The following PLD5 variants were observed in gnomAD, a reference collection of about 807,000 sequenced individuals.
PLD5 encodes the protein phospholipase D family member 5.
PLD5 carries 36 observed loss-of-function variants against 61.1 expected under a neutral mutation model. The ratio of observed to expected loss-of-function variants is 0.59; its 90% CI spans 0.45 to 0.78. The LOEUF (loss-of-function observed/expected upper bound fraction) is 0.78. Among genes scored for constraint, PLD5 ranks in the 30% least tolerant of loss-of-function variants. The probability of loss-of-function intolerance (pLI) is 0.00; values close to 1 mark genes in which losing one functional copy is unlikely to be tolerated. For missense variants in PLD5, 515 were observed against 644.4 expected (o/e 0.80, Z 2.17); for synonymous variants, 243 against 242.8 (o/e 1.00, Z -0.01).
At chr1:242,291,898 C>G (rs1439449036) in intron 2 of PLD5, among the ~76,000 whole-genome samples, 1 of 151,896 alleles carries the variant, frequency 6.6e-6, no homozygotes, top group Non-Finnish European at 1.5e-5. Flanking sequence ...AAGAAAAGAC[C>G]ATGAGAAAAC....
chr1:242,197,764 A>G (rs537429859), intron 5 of PLD5, among the ~76,000 whole-genome samples: 6 of 151,474 alleles, frequency 4.0e-5, no homozygotes, highest in South Asian at 4.2e-4. Flanking sequence ...CCTCCCAAGT[A>G]TCTGGGATTA....
At chr1:242,514,269 G>T (rs925757916) in intron 1 of PLD5, among the ~76,000 whole-genome samples, 4 of 152,118 alleles carry the variant, frequency 2.6e-5, no homozygotes, top group Non-Finnish European at 4.4e-5. Context: ...AACAGTTTTT[G>T]GCTGTCCAGA....
At chr1:242,438,914 A>G (rs901729437) in intron 1 of PLD5, among the ~76,000 whole-genome samples, 6 of 152,032 alleles carry the variant, frequency 3.9e-5, no homozygotes, top group Non-Finnish European at 8.8e-5. Context: ...TTCAAAGCCT[A>G]GTTCACAGCC....
chr1:242,133,041 C>T (rs1029465636), intron 5 of PLD5, among the ~76,000 whole-genome samples: 36 of 151,384 alleles, frequency 2.4e-4, no homozygotes, highest in African/African-American at 8.0e-4. Flanking sequence ...CCCCGCACAC[C>T]GCCCACACCC....
chr1:242,405,487 C>T (rs1664184794), intron 1 of PLD5, among the ~76,000 whole-genome samples: 1 of 152,206 alleles, frequency 6.6e-6, no homozygotes, highest in Admixed American at 6.5e-5. Context: ...GGCTCTTCCA[C>T]ATCTGGTCCT....
At chr1:242,397,653 T>C (rs1431856071) in intron 1 of PLD5, among the ~76,000 whole-genome samples, 1 of 152,138 alleles carries the variant, frequency 6.6e-6, no homozygotes, top group Non-Finnish European at 1.5e-5. Context: ...AATGTCTTTC[T>C]ACAGCAATGT....
In PLD5 at chr1:242,390,168, C is replaced by G. The variant is rs530988684; in HGVS notation, c.190-41926G>C. Among the ~76,000 whole-genome samples, 352 of 152,094 alleles carry G rather than the reference C, an allele frequency of 2.3e-3. 1 individual carries two copies. Among genetic ancestry groups the G allele is most frequent in the Non-Finnish European group, 3.9e-3 (268 of 68,000 alleles). On this transcript the variant is annotated intron_variant, in intron 1 of 9. Coordinates refer to ENST00000536534, the MANE Select transcript of PLD5 (RefSeq NM_001372062.1). The stretch of plus-strand genomic sequence containing the variant: ...CTGCCTCTTGGGTTCAAGTGATTCT[C>G]CTGCCTCAGCCTCCTGAGTAGCTGG...
intron 2 of PLD5, among the ~76,000 whole-genome samples, chr1:242,301,765 C>CATTATTATTATTATTTATT: frequency 7.1e-6 from 1 of 141,036 alleles, no homozygotes; most frequent in East Asian, 2.1e-4. Flanking sequence ...TTTTTTAAAA[C>CATTATTATTATTATTTATT]ATTATTATTA....
intron 2 of PLD5, among the ~76,000 whole-genome samples, chr1:242,311,270 T>C (rs970183296): frequency 6.6e-6 from 1 of 152,236 alleles, no homozygotes; most frequent in African/African-American, 2.4e-5. Flanking sequence ...TGGTCATATA[T>C]GGCTATACTT....
At chr1:242,091,185 G>C (rs966850121) in intron 9 of PLD5, among the ~76,000 whole-genome samples, 1 of 152,066 alleles carries the variant, frequency 6.6e-6, no homozygotes, top group Non-Finnish European at 1.5e-5. Context: ...TTAACTTGAC[G>C]ATTTCTCTAA....
At chr1:242,199,608 C>T (rs543466954) in intron 5 of PLD5, among the ~76,000 whole-genome samples, 28 of 152,114 alleles carry the variant, frequency 1.8e-4, no homozygotes, top group Non-Finnish European at 3.4e-4. Flanking sequence ...GAAATCACGG[C>T]CTTCAGTGTA....
chr1:242,513,466 G>T (rs1444585957), intron 1 of PLD5, among the ~76,000 whole-genome samples: 2 of 152,186 alleles, frequency 1.3e-5, no homozygotes, highest in Non-Finnish European at 2.9e-5. Context: ...ATTGTTAAGG[G>T]TTATAATATG....
At position 242,506,060 on chromosome 1, in the gene PLD5, T is replaced by A. The variant is rs186374321; in HGVS notation, c.189+18028A>T. Among the ~76,000 whole-genome samples, 18 of 152,300 alleles carry A rather than the reference T, an allele frequency of 1.2e-4. No individual in the cohort carries two copies. The East Asian group carries it at 3.1e-3, about 26-fold the overall frequency. ...ACCAGTCATATAAAAGTACTAAGAG[T>A]TCTGATACATGTTAGACCCATTTGC... On this transcript the variant is annotated intron_variant, in intron 1 of 9. Transcript: ENST00000536534.
At position 242,522,919 on chromosome 1, in the gene PLD5, C is replaced by G. The variant is rs140122072; in HGVS notation, c.189+1169G>C. Among the ~76,000 whole-genome samples the G allele has an allele frequency of 2.3e-3, 349 of 152,334 alleles. 2 individuals carry two copies. The highest frequency in any genetic ancestry group is 4.0e-3 in the Non-Finnish European group (274 of 68,034). On this transcript the variant is annotated intron_variant, in intron 1 of 9. Coordinates refer to ENST00000536534, the MANE Select transcript of PLD5 (RefSeq NM_001372062.1). ...ATATTAGAGCTTTCAGTGACTTCAT[C>G]AGGCCCTCAGAAAGCAGGCACAGAC...
chr1:242,292,980 C>A (rs1185484609), intron 2 of PLD5, among the ~76,000 whole-genome samples: 2 of 152,094 alleles, frequency 1.3e-5, no homozygotes, highest in Admixed American at 6.6e-5. Flanking sequence ...CATCGACTGT[C>A]AAAGGGGTCC....
At chr1:242,097,200 C>T (rs551594615) in intron 9 of PLD5, among the ~76,000 whole-genome samples, 1 of 152,262 alleles carries the variant, frequency 6.6e-6, no homozygotes, top group Admixed American at 6.5e-5. Context: ...AATAGTGCCA[C>T]AATAAACATA....
At chr1:242,273,966 T>A (rs1218465513) in intron 3 of PLD5, among the ~76,000 whole-genome samples, 3 of 152,120 alleles carry the variant, frequency 2.0e-5, no homozygotes, top group African/African-American at 4.8e-5. Flanking sequence ...GACACCTTGG[T>A]TTTGATCCGG....
intron 2 of PLD5, among the ~76,000 whole-genome samples, chr1:242,299,185 T>C (rs12130323): frequency 0.065 from 9,849 of 152,202 alleles, 329 homozygotes; most frequent in Middle Eastern, 0.12. Flanking sequence ...TTATGTGGTA[T>C]ATGAGATGTA....
At position 242,107,735 on chromosome 1, in the gene PLD5, G is replaced by C; in HGVS notation, c.1175C>G (p.Thr392Arg). 1 of 1,611,484 alleles carries C rather than the reference G, an allele frequency of 6.2e-7. No individual in the cohort carries two copies. Among genetic ancestry groups the C allele is most frequent in the East Asian group, 2.2e-5 (1 of 44,850 alleles). Residue 392 changes from threonine to arginine, a missense_variant, in exon 8 of 10, where the codon ACG (threonine) becomes AGG (arginine). Physicochemically the swap from Thr to Arg is moderately conservative, Grantham distance 71. This residue lies in a region of PLD5 where 450 missense variants were observed against 598.1 expected (regional missense o/e 0.75). Coordinates refer to ENST00000536534, the MANE Select transcript of PLD5 (RefSeq NM_001372062.1). ...LSFWKETDPL[T>R]FNFISSLKAI... is the part of the protein sequence containing the mutation. ...TTTAAGAGATGAAATAAAGTTAAAC[G>C]TAAGGGGATCAGTTTCCTTCCAGAA...
Sources: allele counts gnomAD v4.1 joint callset (sites outside exome capture counted in the v4.1 genomes callset), GRCh38; gene constraint gnomAD v4.1.1; regional missense constraint gnomAD v4.1.1; transcripts MANE v1.5; gene names NCBI Gene and HGNC (gene_info 2026-07-23, HGNC 2026-07-21).